The following LRRC43 variants were observed in gnomAD, a reference collection of about 807,000 sequenced individuals.
LRRC43 encodes the protein leucine rich repeat containing 43.
A neutral mutation model predicts 64.3 loss-of-function variants in LRRC43; 62 were observed. The observed-to-expected ratio is 0.96, with a 90% CI of 0.79 to 1.19. LRRC43 has a LOEUF of 1.19. Among genes scored for constraint, LRRC43 ranks in the 50% most tolerant of loss-of-function variants. The pLI is 0.00. For missense variants in LRRC43, 868 were observed against 845.0 expected, an observed-to-expected ratio of 1.03 and a Z score of -0.34; for synonymous variants, 422 against 382.3, an observed-to-expected ratio of 1.10 and a Z score of -1.21.
upstream of LRRC43, among the ~76,000 whole-genome samples, chr12:122,178,764 G>T (rs578202800): frequency 7.9e-5 from 12 of 151,202 alleles, no homozygotes; most frequent in African/African-American, 1.7e-4. Context: ...GCGTTTTTTT[G>T]TTTGTTTGTT....
At position 122,192,990 on chromosome 12, in the gene LRRC43, C is replaced by G; in HGVS notation, c.1335C>G (p.Leu445=). The G allele has an allele frequency of 6.2e-7, 1 of 1,613,678 alleles. No individual in the cohort carries two copies. The change falls in exon 7 of 12, where the codon CTC becomes CTG. Residue 445 remains leucine, a synonymous_variant. Transcript: ENST00000339777. ...AKLRLRIDPR[L]CPSPGTVLFS... ...TGAGGCTGCGTATAGATCCCCGGCT[C>G]TGCCCGTCCCCAGGGTAAGGATGGA...
chr12:122,172,610 G>C (rs1341248772), intron 1 of LRRC43: 1 of 1,614,050 alleles, frequency 6.2e-7, no homozygotes, highest in Non-Finnish European at 8.5e-7. Context: ...CAGATTTGTT[G>C]TCTAGCTGTC....
rs554252957 is a variant in LRRC43, at chr12:122,175,788, T to A, written c.-406+8006T>A. Among the ~76,000 whole-genome samples the A allele has an allele frequency of 1.9e-3, 288 of 152,118 alleles. 2 individuals are homozygous for A. Among genetic ancestry groups the A allele is most frequent in the African/African-American group, 6.5e-3 (269 of 41,504 alleles). On this transcript the variant is annotated intron_variant, in intron 1 of 5. Transcript: ENST00000537729. Reference sequence around the variant, plus strand: ...TTCAAGCGATTCTCCTGCCTTAGCCTCCCGAGAAGCTGGGATTACAGGCAC... The same window carrying A: ...TTCAAGCGATTCTCCTGCCTTAGCCACCCGAGAAGCTGGGATTACAGGCAC...
chr12:122,167,839 GA>G (rs1301961406), intron 1 of LRRC43: 2 of 150,400 alleles, frequency 1.3e-5, no homozygotes, highest in Non-Finnish European at 3.0e-5. Flanking sequence ...TTTTGAAATG[GA>G]GTCTCACTCT....
intron 1 of LRRC43, 127 bp downstream of exon 1, chr12:122,183,421 G>C: frequency 9.0e-7 from 1 of 1,108,296 alleles, no homozygotes; most frequent in East Asian, 3.2e-5. Flanking sequence ...CCGACATGGG[G>C]GCGGGTGGGG....
chr12:122,172,360 C>A, intron 1 of LRRC43: 1 of 1,315,050 alleles, frequency 7.6e-7, no homozygotes, highest in South Asian at 1.3e-5. Flanking sequence ...AGCTGTCGGT[C>A]ATCTTTTTAA....
chr12:122,192,630 T>C, intron 6 of LRRC43, 115 bp from the exon 7 acceptor site: 1 of 1,215,008 alleles, frequency 8.2e-7, no homozygotes, highest in Non-Finnish European at 1.2e-6. Context: ...GTGGTGTGTC[T>C]GCTCATGCGT....
At chr12:122,183,029 G>C, upstream of LRRC43, 1 of 1,413,000 alleles carries the variant, frequency 7.1e-7, no homozygotes, top group Non-Finnish European at 9.2e-7. Flanking sequence ...GGTGGTTGGG[G>C]CCAGGCTGTC....
chr12:122,189,155 C>T (rs990553676), intron 4 of LRRC43, among the ~76,000 whole-genome samples: 1 of 152,084 alleles, frequency 6.6e-6, no homozygotes, highest in South Asian at 2.1e-4. Context: ...AGAGACCACC[C>T]AGAAAAAGCC....
intron 4 of LRRC43, among the ~76,000 whole-genome samples, chr12:122,188,703 A>G (rs1953676894): frequency 6.6e-6 from 1 of 152,186 alleles, no homozygotes; most frequent in Non-Finnish European, 1.5e-5. Context: ...GGCCTCCCAA[A>G]GTGCTGGGAT....
intron 1 of LRRC43, among the ~76,000 whole-genome samples, chr12:122,175,114 A>G (rs1279356265): frequency 6.6e-6 from 1 of 151,852 alleles, no homozygotes; most frequent in Non-Finnish European, 1.5e-5. Flanking sequence ...TGCTGGAATT[A>G]CAGGCATGAG....
chr12:122,201,301 AAAG>A lies in LRRC43; in HGVS notation c.1820_1822del (p.Lys607del), dbSNP rs770573768. The A allele has an allele frequency of 7.4e-5, 119 of 1,613,966 alleles. No individual in the cohort carries two copies. The highest frequency in any genetic ancestry group is 9.8e-5 in the Non-Finnish European group (116 of 1,179,956). On this transcript the variant is annotated inframe_deletion, in exon 11 of 12. Transcript: ENST00000339777. ...TTTGTGGTTCTTTCTCTCAGGATTC[AAAG>A]AAGATTAAGAAAGTTGCCAAAAAAG...
chr12:122,197,810 C>G (rs1448607844), intron 7 of LRRC43, among the ~76,000 whole-genome samples: 2 of 151,956 alleles, frequency 1.3e-5, no homozygotes, highest in Non-Finnish European at 2.9e-5. Flanking sequence ...AGTGTGCAGA[C>G]AGACTTTCAA....
At chr12:122,188,650 A>G (rs1480390526) in intron 4 of LRRC43, among the ~76,000 whole-genome samples, 1 of 151,882 alleles carries the variant, frequency 6.6e-6, no homozygotes, top group Non-Finnish European at 1.5e-5. Context: ...CATGTTGGCC[A>G]GGATGGTCTC....
rs199768950 is a variant in LRRC43, at chr12:122,200,854, G to A, written c.1729G>A (p.Ala577Thr). ...CCTGGTGATCCTGGAGCCCCTGCTCGCCGGGGAGCCCCTGGTGTCCACCGT... is the reference window on the plus strand; with the variant it reads ...CCTGGTGATCCTGGAGCCCCTGCTCACCGGGGAGCCCCTGGTGTCCACCGT... ...RGLVILEPLLAGEPLVSTVCN... is the reference protein window; with the variant it reads ...RGLVILEPLLTGEPLVSTVCN... Residue 577 changes from alanine (A) to threonine (T), a missense_variant, in exon 10 of 12, where the codon GCC (alanine) becomes ACC (threonine). Ala to Thr is a moderately conservative substitution (Grantham distance 58, BLOSUM62 0). Coordinates refer to ENST00000339777, the MANE Select transcript of LRRC43 (RefSeq NM_001098519.2). The surrounding 1 kb of genome is among the most constrained non-coding windows in gnomAD (Gnocchi z 4.6). 30 of 1,613,016 alleles carry A rather than the reference G, an allele frequency of 1.9e-5. No individual in the cohort carries two copies. The highest frequency in any genetic ancestry group is 8.9e-5 in the East Asian group (4 of 44,888).
upstream of LRRC43, among the ~76,000 whole-genome samples, chr12:122,178,956 G>A (rs1953560040): frequency 6.6e-6 from 1 of 152,074 alleles, no homozygotes; most frequent in Non-Finnish European, 1.5e-5. Context: ...AAGAGTTGAG[G>A]ACAACCTCTG....
chr12:122,183,377 C>G, intron 1 of LRRC43, 83 bp downstream of exon 1: 1 of 1,337,714 alleles, frequency 7.5e-7, no homozygotes, highest in Non-Finnish European at 9.6e-7. Context: ...CGGGCTGGTC[C>G]CTGGGGCCTG....
chr12:122,194,214 T>G (rs77174217), intron 7 of LRRC43, among the ~76,000 whole-genome samples: 3 of 133,890 alleles, frequency 2.2e-5, no homozygotes, highest in Non-Finnish European at 4.5e-5. Flanking sequence ...TATAAAGTTG[T>G]TTTTTTTTTT....
chr12:122,201,393 T>C, intron 11 of LRRC43, 64 bp downstream of exon 11: 3 of 1,506,570 alleles, frequency 2.0e-6, no homozygotes, highest in Non-Finnish European at 2.8e-6. Context: ...GGGCCAGCCC[T>C]GGGGGAGGCC....
Sources: allele counts gnomAD v4.1 joint callset (sites outside exome capture counted in the v4.1 genomes callset), GRCh38; gene constraint gnomAD v4.1.1; non-coding constraint Gnocchi (gnomAD v3.1); transcripts MANE v1.5; gene names NCBI Gene and HGNC (gene_info 2026-07-23, HGNC 2026-07-21).